MARCHF10: variants seen among roughly 807,000 people sequenced by gnomAD.
MARCHF10 encodes the protein membrane associated ring-CH-type finger 10.
Under a neutral mutation model 76.2 loss-of-function variants are expected in MARCHF10, and 64 were observed. The observed-to-expected ratio is 0.84, with a 90% CI of 0.69 to 1.03. The LOEUF is 1.03. Ranked by LOEUF, MARCHF10 falls within the 50% of genes least tolerant of loss-of-function variation. The pLI, the probability that MARCHF10 is intolerant of heterozygous loss-of-function variation, is 0.00. For missense variants in MARCHF10, 875 were observed against 958.0 expected (o/e 0.91, Z 1.14); for synonymous variants, 340 against 357.5 (o/e 0.95, Z 0.55).
At chr17:62,721,685 C>T (rs1027582916) in intron 8 of MARCHF10, among the ~76,000 whole-genome samples, 4 of 152,152 alleles carry the variant, frequency 2.6e-5, no homozygotes, top group African/African-American at 9.7e-5. Context: ...GAAATGCAGT[C>T]CAAATACCCT....
At chr17:62,731,919 A>G (rs557861311) in intron 6 of MARCHF10, among the ~76,000 whole-genome samples, 1 of 152,342 alleles carries the variant, frequency 6.6e-6, no homozygotes, top group Admixed American at 6.5e-5. Flanking sequence ...CAAACTACTA[A>G]TATTTTTTAC....
chr17:62,742,799 T>A (rs1259779600), intron 5 of MARCHF10, among the ~76,000 whole-genome samples: 2 of 151,778 alleles, frequency 1.3e-5, no homozygotes, highest in Admixed American at 1.3e-4. Context: ...CCTGAGCTAA[T>A]TTATTTATTT....
intron 2 of MARCHF10, among the ~76,000 whole-genome samples, chr17:62,794,735 C>T (rs935935763): frequency 3.3e-5 from 5 of 152,162 alleles, no homozygotes; most frequent in Middle Eastern, 3.2e-3. Context: ...AACCACGACC[C>T]GACTTTACAT....
chr17:62,786,886 C>G (rs1422514971), intron 3 of MARCHF10, among the ~76,000 whole-genome samples: 1 of 152,182 alleles, frequency 6.6e-6, no homozygotes, highest in Admixed American at 6.5e-5. Flanking sequence ...CACCCAGATG[C>G]CCACTTGTTT....
intron 3 of MARCHF10, among the ~76,000 whole-genome samples, chr17:62,776,666 A>T (rs1044426225): frequency 6.6e-6 from 1 of 152,170 alleles, no homozygotes; most frequent in Non-Finnish European, 1.5e-5. Context: ...CTATAACCTG[A>T]TCATAAAAGA....
At chr17:62,709,137 C>T (rs2089769697) in intron 9 of MARCHF10, among the ~76,000 whole-genome samples, 1 of 152,284 alleles carries the variant, frequency 6.6e-6, no homozygotes, top group Non-Finnish European at 1.5e-5. Context: ...ATCTCCGCAC[C>T]TGGTACAGGG....
intron 10 of MARCHF10, among the ~76,000 whole-genome samples, chr17:62,702,426 G>A (rs2089297559): frequency 7.1e-6 from 1 of 141,378 alleles, no homozygotes; most frequent in Non-Finnish European, 1.6e-5. Context: ...AAGGGGCGGG[G>A]GGCGGGGGGC....
At position 62,712,461 on chromosome 17, in the gene MARCHF10, C is replaced by A. The variant is rs140804365; in HGVS notation, c.2215-1117G>T. Among the ~76,000 whole-genome samples, 294 of 152,318 alleles carry A rather than the reference C, an allele frequency of 1.9e-3. 1 individual carries two copies. The highest frequency in any genetic ancestry group is 3.4e-3 in the Middle Eastern group (1 of 294). On this transcript the variant is annotated intron_variant, in intron 8 of 10. Coordinates refer to ENST00000311269, the MANE Select transcript of MARCHF10 (RefSeq NM_152598.4). This position sits in a 1 kb window ranked among gnomAD's most constrained non-coding sequence, Gnocchi z 4.2. ...CTCAGGAGGTTGGCACAGAACCCACCTCTCCCAGGACCAAGCAGCTGCCAG... is the reference window on the plus strand; with the variant it reads ...CTCAGGAGGTTGGCACAGAACCCACATCTCCCAGGACCAAGCAGCTGCCAG...
At chr17:62,730,520 A>T (rs2090979516) in intron 6 of MARCHF10, among the ~76,000 whole-genome samples, 1 of 152,242 alleles carries the variant, frequency 6.6e-6, no homozygotes, top group Non-Finnish European at 1.5e-5. Flanking sequence ...TAAATGTTTA[A>T]AACCTCATTT....
intron 6 of MARCHF10, among the ~76,000 whole-genome samples, chr17:62,725,474 A>G (rs2090713204): frequency 6.6e-6 from 1 of 152,202 alleles, no homozygotes; most frequent in African/African-American, 2.4e-5. Context: ...GATGTTGCCC[A>G]GACTGGTCTT....
chr17:62,702,551 A>G (rs2089307173), intron 10 of MARCHF10, among the ~76,000 whole-genome samples: 1 of 152,122 alleles, frequency 6.6e-6, no homozygotes, highest in South Asian at 2.1e-4. Flanking sequence ...CTGTAATCCC[A>G]GCTGCTTAGG....
chr17:62,711,235 T>C lies in MARCHF10; in HGVS notation c.2324A>G (p.Glu775Gly), dbSNP rs781629211. 6.2e-7 allele frequency: 1 copy of C among 1,613,808 alleles called. No homozygotes were observed. The highest frequency in any genetic ancestry group is 1.1e-5 in the South Asian group (1 of 91,066). Residue 775 changes from glutamate (E) to glycine (G), a missense_variant, in exon 9 of 11, where the codon GAG (glutamate) becomes GGG (glycine). By Grantham distance (98) the Glu-to-Gly change is moderately conservative. Transcript: ENST00000311269. The surrounding 1 kb of genome is among the most constrained non-coding windows in gnomAD (Gnocchi z 4.4). ...MRLNHNQVER[E>G]RLSRNYPQPR... ...CTGGGTCACAGCCAGACTTACCCTCTCTCTTTCCACCTGGTTGTGGTTGAG... is the reference window on the plus strand; with the variant it reads ...CTGGGTCACAGCCAGACTTACCCTCCCTCTTTCCACCTGGTTGTGGTTGAG...
chr17:62,717,348 C>A (rs1191893607), intron 8 of MARCHF10, among the ~76,000 whole-genome samples: 1 of 152,248 alleles, frequency 6.6e-6, no homozygotes, highest in Non-Finnish European at 1.5e-5. Flanking sequence ...GATGATAATG[C>A]GGGCATTTCC....
intron 3 of MARCHF10, 89 bp from the exon 4 acceptor site, chr17:62,760,095 A>G (rs1568172349): frequency 1.9e-6 from 2 of 1,069,406 alleles, no homozygotes; most frequent in African/African-American, 3.1e-5. Context: ...AAATGCAGTG[A>G]CCCTCTCCAG....
At chr17:62,704,310 C>T (rs1208449980) in intron 10 of MARCHF10, among the ~76,000 whole-genome samples, 1 of 152,086 alleles carries the variant, frequency 6.6e-6, no homozygotes, top group Non-Finnish European at 1.5e-5. Flanking sequence ...CCCTTCCCGG[C>T]TGCGGAGGCT....
intron 10 of MARCHF10, among the ~76,000 whole-genome samples, chr17:62,704,211 G>A (rs1253574937): frequency 6.6e-6 from 1 of 151,538 alleles, no homozygotes; most frequent in Non-Finnish European, 1.5e-5. Flanking sequence ...GGGCGGCGGC[G>A]GGGAGCCGCG....
chr17:62,703,138 C>T (rs1045571738), intron 10 of MARCHF10, among the ~76,000 whole-genome samples: 1 of 152,200 alleles, frequency 6.6e-6, no homozygotes, highest in African/African-American at 2.4e-5. Context: ...TTGTGTGAGG[C>T]TTTGGTTCTC....
At chr17:62,806,703 T>G (rs777740007) in intron 1 of MARCHF10, 2 of 152,238 alleles carry the variant, frequency 1.3e-5, no homozygotes, top group African/African-American at 4.8e-5. Flanking sequence ...TCTAAGAACT[T>G]TGTGACATAC....
rs2091244981 is a variant in MARCHF10 at position 62,735,990 on chromosome 17, A to G, written c.1878T>C (p.Asp626=). 1.2e-6 allele frequency: 2 copies of G among 1,613,838 alleles called. No individual in the cohort carries two copies. The highest frequency in any genetic ancestry group is 1.7e-6 in the Non-Finnish European group (2 of 1,179,976). ...CCTTTATCTTACTGGTTTCCTTTTC[A>G]TCTGTGAAACCAGAGGCTGCCATCC... ...GSRMAASGFT[D]EKETSKIKAD... is the part of the protein sequence containing the mutation. The change falls in exon 6 of 11, where the codon GAT becomes GAC. Residue 626 remains aspartate (D), a synonymous_variant. Coordinates refer to ENST00000311269, the MANE Select transcript of MARCHF10 (RefSeq NM_152598.4).
Sources: gnomAD v4.1 joint callset for allele counts (sites outside exome capture counted in the v4.1 genomes callset) on GRCh38, gnomAD v4.1.1 for gene constraint, Gnocchi (gnomAD v3.1) non-coding constraint, MANE v1.5 for transcripts, NCBI Gene and HGNC (gene_info 2026-07-23, HGNC 2026-07-21) for gene names.